TBC1D2: variants seen among roughly 807,000 people sequenced by gnomAD.
The protein encoded by TBC1D2 is TBC1 domain family member 2.
Under a neutral mutation model 91.1 loss-of-function variants are expected in TBC1D2, and 58 were observed. That is an observed-to-expected ratio of 0.64 (90% CI 0.52 to 0.79). The LOEUF (loss-of-function observed/expected upper bound fraction) is 0.79, where lower values mean the gene tolerates loss of function less well. Ranked by LOEUF, TBC1D2 falls within the 30% of genes least tolerant of loss-of-function variation. The pLI, the probability that TBC1D2 is intolerant of heterozygous loss-of-function variation, is 0.00. For missense variants in TBC1D2, 1,080 were observed against 1,208.3 expected (o/e 0.89, Z 1.57); for synonymous variants, 482 against 511.5 (o/e 0.94, Z 0.78).
chr9:98,237,513 C>CT (rs929206241), intron 3 of TBC1D2, among the ~76,000 whole-genome samples: 225 of 143,814 alleles, frequency 1.6e-3, no homozygotes, highest in Admixed American at 3.1e-3. Flanking sequence ...CTTTTTTTTT[C>CT]TTTTTTTTTT....
intron 3 of TBC1D2, among the ~76,000 whole-genome samples, chr9:98,243,534 A>AT (rs368728395): frequency 0.17 from 21,425 of 125,294 alleles, 2,266 homozygotes; most frequent in Non-Finnish European, 0.22. Context: ...CAATGAATGT[A>AT]TTTTTTTTTT....
intron 4 of TBC1D2, among the ~76,000 whole-genome samples, chr9:98,229,944 C>T (rs4743187): frequency 0.24 from 36,759 of 152,210 alleles, 4,665 homozygotes; most frequent in Non-Finnish European, 0.28. Flanking sequence ...TCGTTACTAT[C>T]TTGCTCTTTA....
At chr9:98,220,662 A>G (rs887225356) in intron 6 of TBC1D2, among the ~76,000 whole-genome samples, 171 bp downstream of exon 6, 1 of 152,210 alleles carries the variant, frequency 6.6e-6, no homozygotes, top group Non-Finnish European at 1.5e-5. Flanking sequence ...AAAGAAAGTG[A>G]AGAAGCGTAG....
chr9:98,234,665 CT>C (rs1829458228), intron 3 of TBC1D2: 1 of 152,228 alleles, frequency 6.6e-6, no homozygotes, highest in South Asian at 2.1e-4. Flanking sequence ...ATCCTTGCCT[CT>C]GTTTGCCGAC....
chr9:98,203,922 C>A (rs1828579727), intron 9 of TBC1D2, among the ~76,000 whole-genome samples: 2 of 152,180 alleles, frequency 1.3e-5, no homozygotes. Context: ...TTAACAATAT[C>A]TATCCCCCCG....
Position 98,210,829 on chromosome 9 carries a change from T to C in TBC1D2, c.1500A>G (p.Gln500=), listed in dbSNP as rs1828816951. Residue 500 remains glutamine, a synonymous_variant, in exon 8 of 13, where the codon CAA becomes CAG. Coordinates refer to ENST00000465784, the MANE Select transcript of TBC1D2 (RefSeq NM_001267571.2). ...KALLTKCAYL[Q]ARNCQVESKY... ...TGCTTTCCACCTGGCAGTTTCTGGC[T>C]TGGAGGTAGGCGCACTGCAAACAGG... 6.4e-7 allele frequency: 1 copy of C among 1,551,540 alleles called. No individual in the cohort carries two copies. Among genetic ancestry groups the C allele is most frequent in the African/African-American group, 1.4e-5 (1 of 73,058 alleles).
intron 3 of TBC1D2, among the ~76,000 whole-genome samples, chr9:98,243,590 G>C (rs949440530): frequency 3.4e-5 from 5 of 146,338 alleles, no homozygotes; most frequent in African/African-American, 1.3e-4. Context: ...AGGCTGGAGT[G>C]CAATGGTGCA....
Position 98,223,105 on chromosome 9 carries a change from C to T in TBC1D2, c.979-1877G>A, listed in dbSNP as rs115724666. ...GCTGGTGGGAATGAACATGACCCAC[C>T]ACAGTGGAATGATCTACTGCAAGTC... On this transcript the variant is annotated intron_variant, in intron 5 of 12. Coordinates refer to ENST00000465784, the MANE Select transcript of TBC1D2 (RefSeq NM_001267571.2). Among the ~76,000 whole-genome samples, 748 of 152,336 alleles carry T rather than the reference C, an allele frequency of 4.9e-3. 9 individuals are homozygous for T. The highest frequency in any genetic ancestry group is 0.017 in the African/African-American group (694 of 41,582).
At chr9:98,202,830 T>C (rs1329958007) in intron 10 of TBC1D2, among the ~76,000 whole-genome samples, 1 of 152,256 alleles carries the variant, frequency 6.6e-6, no homozygotes, top group Non-Finnish European at 1.5e-5. Flanking sequence ...ATATGTACAT[T>C]TCCTAACTTG....
rs1829951331 is a variant in TBC1D2 at position 98,255,303 on chromosome 9, T to TAATAC, written c.234_238dup (p.Tyr80CysfsTer45). On this transcript the variant is annotated frameshift_variant, in exon 1 of 13. Transcript: ENST00000465784. LOFTEE classifies it high-confidence loss of function. ...ATTGGCATCCTGAGCGGTCCGCGAG[T>TAATAC]AATACAGCTGACATTTCCTTTCGTC... The TAATAC allele has an allele frequency of 6.2e-7, 1 of 1,614,044 alleles. No individual in the cohort carries two copies. Among genetic ancestry groups the TAATAC allele is most frequent in the Admixed American group, 1.7e-5 (1 of 59,996 alleles).
intron 2 of TBC1D2, among the ~76,000 whole-genome samples, chr9:98,248,084 G>C (rs1829802889): frequency 6.6e-6 from 1 of 152,196 alleles, no homozygotes; most frequent in Non-Finnish European, 1.5e-5. Context: ...GAGTTTTGTG[G>C]CCAAAGTCAA....
At chr9:98,219,095 G>T (rs1829035328) in intron 6 of TBC1D2, among the ~76,000 whole-genome samples, 1 of 152,222 alleles carries the variant, frequency 6.6e-6, no homozygotes, top group East Asian at 1.9e-4. Flanking sequence ...TAAGGGAAAA[G>T]ATTCGGGAAC....
At chr9:98,236,634 CCA>C (rs1426657916) in intron 3 of TBC1D2, among the ~76,000 whole-genome samples, 1 of 152,172 alleles carries the variant, frequency 6.6e-6, no homozygotes, top group Non-Finnish European at 1.5e-5. Context: ...GTTTCTAGTG[CCA>C]CACACAGTTT....
intron 1 of TBC1D2, among the ~76,000 whole-genome samples, chr9:98,253,821 A>C (rs1829917937): frequency 6.6e-6 from 1 of 152,172 alleles, no homozygotes; most frequent in Admixed American, 6.5e-5. Context: ...TTCAGGGTGC[A>C]TGCAGGTTCT....
rs1829949524 is a variant in TBC1D2, at chr9:98,255,269, G to A, written c.273C>T (p.Asp91=). Reference sequence around the variant, plus strand: ...ACACTGCACTGGAGAGGTCGATGCTGTCCAAGGGATTGGCATCCTGAGCGG... The same window carrying A: ...ACACTGCACTGGAGAGGTCGATGCTATCCAAGGGATTGGCATCCTGAGCGG... ...SRTAQDANPL[D]SIDLSSAVFD... is the part of the protein sequence containing the mutation. Residue 91 remains aspartate, a synonymous_variant, in exon 1 of 13, where the codon GAC becomes GAT. Coordinates refer to ENST00000465784, the MANE Select transcript of TBC1D2 (RefSeq NM_001267571.2). 1 of 1,614,128 alleles carries A rather than the reference G, an allele frequency of 6.2e-7. No homozygotes were observed. The highest frequency in any genetic ancestry group is 8.5e-7 in the Non-Finnish European group (1 of 1,180,048).
intron 3 of TBC1D2, among the ~76,000 whole-genome samples, chr9:98,236,171 C>G (rs1829500088): frequency 6.6e-6 from 1 of 152,070 alleles, no homozygotes; most frequent in Non-Finnish European, 1.5e-5. Context: ...AAACAATTGA[C>G]CATCTTAACT....
intron 7 of TBC1D2, 56 bp downstream of exon 7, chr9:98,213,052 G>A: frequency 6.3e-7 from 1 of 1,588,222 alleles, no homozygotes; most frequent in Admixed American, 1.7e-5. Flanking sequence ...GGGCAGCATG[G>A]GGACCAGCAG....
At chr9:98,212,893 C>T (rs1277292785) in intron 7 of TBC1D2, among the ~76,000 whole-genome samples, 1 of 152,202 alleles carries the variant, frequency 6.6e-6, no homozygotes, top group South Asian at 2.1e-4. Flanking sequence ...GATGTCCCTA[C>T]CCCACAGCTA....
chr9:98,212,899 A>G (rs1244247542), intron 7 of TBC1D2, among the ~76,000 whole-genome samples: 1 of 152,198 alleles, frequency 6.6e-6, no homozygotes, highest in Non-Finnish European at 1.5e-5. Flanking sequence ...CCTACCCCAC[A>G]GCTACTCAGT....
Sources: gnomAD v4.1 joint callset for allele counts (sites outside exome capture counted in the v4.1 genomes callset) on GRCh38, gnomAD v4.1.1 for gene constraint, MANE v1.5 for transcripts, NCBI Gene and HGNC (gene_info 2026-07-23, HGNC 2026-07-21) for gene names.